B3GALT1: variants seen among roughly 807,000 people sequenced by gnomAD.
B3GALT1 encodes UDP-Gal:betaGlcNAc beta 1,3-galactosyltransferase, polypeptide 1.
In B3GALT1, 10 loss-of-function variants were observed where a neutral mutation model predicts 23.2. The ratio of observed to expected loss-of-function variants is 0.43; its 90% CI spans 0.27 to 0.73. The LOEUF (loss-of-function observed/expected upper bound fraction) is 0.73, where lower values mean the gene tolerates loss of function less well. B3GALT1 is among the 30% of genes least tolerant of loss of function. The pLI is 0.21. For missense variants in B3GALT1, 299 were observed against 405.4 expected (o/e 0.74, Z 2.25); for synonymous variants, 156 against 141.5 (o/e 1.10, Z -0.73).
intron 1 of B3GALT1, among the ~76,000 whole-genome samples, chr2:167,456,372 G>T (rs1255421035): frequency 6.6e-6 from 1 of 152,106 alleles, no homozygotes; most frequent in Non-Finnish European, 1.5e-5. Flanking sequence ...CTCCCACCAG[G>T]CCCCACCTAC....
At chr2:167,414,470 C>T (rs1284915541) in intron 1 of B3GALT1, among the ~76,000 whole-genome samples, 1 of 152,110 alleles carries the variant, frequency 6.6e-6, no homozygotes, top group South Asian at 2.1e-4. Context: ...TGTTACATTA[C>T]TGCTAAAGTA....
chr2:167,460,788 G>T (rs1336877569), intron 1 of B3GALT1, among the ~76,000 whole-genome samples: 2 of 151,994 alleles, frequency 1.3e-5, no homozygotes, highest in African/African-American at 4.8e-5. Context: ...TTATTATTTT[G>T]TAAGTTAAAA....
At chr2:167,639,979 A>C (rs976573528) in intron 2 of B3GALT1, among the ~76,000 whole-genome samples, 10 of 152,080 alleles carry the variant, frequency 6.6e-5, no homozygotes, top group African/African-American at 1.2e-4. Context: ...TTGTAATTTG[A>C]GATGCTAAGA....
At chr2:167,715,846 T>C (rs1254818029) in intron 3 of B3GALT1, 1 of 1,613,816 alleles carries the variant, frequency 6.2e-7, no homozygotes, top group African/African-American at 1.3e-5. Flanking sequence ...TTTTTCTCTC[T>C]TCCCACATAA....
chr2:167,675,990 C>T (rs1229287227), intron 3 of B3GALT1, among the ~76,000 whole-genome samples: 1 of 151,674 alleles, frequency 6.6e-6, no homozygotes, highest in Non-Finnish European at 1.5e-5. Context: ...GAAATGGTAC[C>T]GAGGATGTTG....
intron 2 of B3GALT1, among the ~76,000 whole-genome samples, chr2:167,499,688 C>T (rs999837639): frequency 1.3e-5 from 2 of 151,960 alleles, no homozygotes; most frequent in African/African-American, 2.4e-5. Context: ...CCCCTTCCAC[C>T]GTCCCCACCA....
chr2:167,566,203 A>G (rs138122403), intron 2 of B3GALT1, among the ~76,000 whole-genome samples: 5,571 of 152,220 alleles, frequency 0.037, 170 homozygotes, highest in African/African-American at 0.089. Flanking sequence ...CCTTTGTAGG[A>G]ACATGGATGA....
At chr2:167,449,190 A>G (rs1050889898) in intron 1 of B3GALT1, among the ~76,000 whole-genome samples, 1 of 152,096 alleles carries the variant, frequency 6.6e-6, no homozygotes, top group Non-Finnish European at 1.5e-5. Flanking sequence ...TTTTGGCAAT[A>G]TGGTCATTTT....
intron 2 of B3GALT1, among the ~76,000 whole-genome samples, chr2:167,643,507 A>C (rs892486440): frequency 6.6e-6 from 1 of 152,182 alleles, no homozygotes; most frequent in Non-Finnish European, 1.5e-5. Context: ...TCTATGAAGA[A>C]TTGGAGTAAT....
intron 2 of B3GALT1, among the ~76,000 whole-genome samples, chr2:167,616,514 C>T (rs1339890451): frequency 6.6e-6 from 1 of 151,856 alleles, no homozygotes; most frequent in Non-Finnish European, 1.5e-5. Context: ...CCAGCCTGAC[C>T]AACATGGTGA....
intron 2 of B3GALT1, among the ~76,000 whole-genome samples, chr2:167,512,961 A>G (rs1326876910): frequency 6.8e-6 from 1 of 146,236 alleles, no homozygotes; most frequent in Non-Finnish European, 1.5e-5. Flanking sequence ...ATATTTATAT[A>G]TTATTTGTGT....
chr2:167,735,550 C>T (rs1687479297), intron 3 of B3GALT1, among the ~76,000 whole-genome samples: 2 of 152,154 alleles, frequency 1.3e-5, no homozygotes, highest in African/African-American at 2.4e-5. Context: ...TCTTCACTGG[C>T]TCAAAGCTAG....
chr2:167,432,802 C>G (rs1403893), intron 1 of B3GALT1, among the ~76,000 whole-genome samples: 1 of 152,264 alleles, frequency 6.6e-6, no homozygotes, highest in Admixed American at 6.5e-5. Flanking sequence ...CAAAGCCAAA[C>G]TGAGCAGGAG....
chr2:167,644,246 A>G (rs1430704810), intron 2 of B3GALT1, among the ~76,000 whole-genome samples: 2 of 152,172 alleles, frequency 1.3e-5, no homozygotes, highest in African/African-American at 4.8e-5. Context: ...GCAAGAACAC[A>G]GATGAATGTG....
chr2:167,474,330 C>T (rs748094461), intron 1 of B3GALT1, among the ~76,000 whole-genome samples: 3 of 152,198 alleles, frequency 2.0e-5, no homozygotes, highest in Non-Finnish European at 4.4e-5. Flanking sequence ...CCATTTAGCA[C>T]ATTTACAATC....
chr2:167,580,456 C>A (rs1684462952), intron 2 of B3GALT1, among the ~76,000 whole-genome samples: 1 of 151,838 alleles, frequency 6.6e-6, no homozygotes, highest in Non-Finnish European at 1.5e-5. Context: ...AAACCAAAAA[C>A]AAACAAGCAG....
chr2:167,763,463 G>C (rs889292613), intron 3 of B3GALT1, among the ~76,000 whole-genome samples: 19 of 151,976 alleles, frequency 1.3e-4, no homozygotes, highest in Non-Finnish European at 8.8e-5. Context: ...AGACAAAAGA[G>C]GAGAAAAATT....
chr2:167,824,452 G>C (rs185484336), intron 4 of B3GALT1, among the ~76,000 whole-genome samples: 64 of 152,344 alleles, frequency 4.2e-4, no homozygotes, highest in Middle Eastern at 3.4e-3. Context: ...TGGAGCTTGA[G>C]AGAAGTAGAG....
intron 1 of B3GALT1, among the ~76,000 whole-genome samples, chr2:167,458,405 G>A (rs955636446): frequency 1.3e-5 from 2 of 152,204 alleles, no homozygotes; most frequent in Admixed American, 1.3e-4. Flanking sequence ...TGTGAATAAT[G>A]CTGCTATGAG....
Sources: allele counts gnomAD v4.1 joint callset (sites outside exome capture counted in the v4.1 genomes callset), GRCh38; gene constraint gnomAD v4.1.1; transcripts MANE v1.5; gene names NCBI Gene and HGNC (gene_info 2026-07-23, HGNC 2026-07-21).